The following TOPAZ1 variants were observed in gnomAD, a reference collection of about 807,000 sequenced individuals.
The protein encoded by TOPAZ1 is testis and ovary specific TOPAZ 1, also known as protein TOPAZ1.
Under a neutral mutation model 172.2 loss-of-function variants are expected in TOPAZ1, and 66 were observed. The ratio of observed to expected loss-of-function variants is 0.38; its 90% CI spans 0.31 to 0.47. The LOEUF is 0.47. Among genes scored for constraint, TOPAZ1 ranks in the 20% least tolerant of loss-of-function variants. TOPAZ1 has a pLI of 0.99. For missense variants in TOPAZ1, 1,822 were observed against 1,972.4 expected (o/e 0.92, Z 1.44); for synonymous variants, 681 against 683.9 (o/e 1.00, Z 0.07).
chr3:44,333,352 G>T (rs1344183089), downstream of TOPAZ1, among the ~76,000 whole-genome samples: 3 of 152,146 alleles, frequency 2.0e-5, no homozygotes, highest in Non-Finnish European at 4.4e-5. Flanking sequence ...GGAACTGGGT[G>T]ACTATAACCT....
rs1331796535 is a variant in TOPAZ1 at position 44,256,281 on chromosome 3, A to G, written c.2955+3A>G. Reference sequence around the variant, plus strand: ...AAGGTTCAGACTTGGATGAAAAGGTACTAGGGGATCTTTTGTGTTTTTTTA... The same window carrying G: ...AAGGTTCAGACTTGGATGAAAAGGTGCTAGGGGATCTTTTGTGTTTTTTTA... On this transcript the variant is annotated splice_donor_region_variant and intron_variant, in intron 4 of 19. Transcript: ENST00000309765. The G allele has an allele frequency of 1.3e-6, 2 of 1,510,014 alleles. No individual in the cohort carries two copies. The highest frequency in any genetic ancestry group is 1.3e-5 in the South Asian group (1 of 75,718). The allele number at this position is 1,510,014 out of a possible 1,614,324, so 93.5% of individuals were successfully genotyped here.
chr3:44,291,003 G>T lies in TOPAZ1; in HGVS notation c.3797+117G>T. The T allele has an allele frequency of 1.3e-5, 8 of 610,562 alleles. No homozygotes were observed. The South Asian group carries it at 1.7e-4, about 13-fold the overall frequency. The allele number at this position is 610,562 out of a possible 1,614,324, so 37.8% of individuals were successfully genotyped here. On this transcript the variant is annotated intron_variant, in intron 12 of 19. Coordinates refer to ENST00000309765, the MANE Select transcript of TOPAZ1 (RefSeq NM_001145030.2). Reference sequence around the variant, plus strand: ...TGCCCAAACATTTAGATAGTGGCCTGTCATAAACCCTTCTCCTGTCTCTTG... The same window carrying T: ...TGCCCAAACATTTAGATAGTGGCCTTTCATAAACCCTTCTCCTGTCTCTTG...
chr3:44,270,479 C>A, intron 7 of TOPAZ1, among the ~76,000 whole-genome samples: 1 of 152,162 alleles, frequency 6.6e-6, no homozygotes, highest in East Asian at 1.9e-4. Flanking sequence ...TTTTAAAATC[C>A]AGACAAATCA....
At position 44,282,019 on chromosome 3, in the gene TOPAZ1, C is replaced by T; in HGVS notation, c.3424C>T (p.Leu1142=). The T allele has an allele frequency of 1.3e-6, 2 of 1,543,304 alleles. No homozygotes were observed. Among genetic ancestry groups the T allele is most frequent in the East Asian group, 2.5e-5 (1 of 40,714 alleles). ...TATAAATATCAATGAACTGTGTTTG[C>T]TACAGCGTGCAGGTATGAAACAATT... is the stretch of plus-strand genomic sequence containing the variant. ...KYININELCL[L]QRAVNIFMEY... is the part of the protein sequence containing the mutation. Residue 1142 remains leucine, a synonymous_variant, in exon 9 of 20, where the codon CTA becomes TTA. Coordinates refer to ENST00000309765, the MANE Select transcript of TOPAZ1 (RefSeq NM_001145030.2).
At chr3:44,266,037 C>G (rs915981599) in intron 5 of TOPAZ1, among the ~76,000 whole-genome samples, 1 of 152,206 alleles carries the variant, frequency 6.6e-6, no homozygotes, top group Non-Finnish European at 1.5e-5. Context: ...TGCAACTTTT[C>G]CATTAGCAAG....
At chr3:44,299,950 T>A (rs1575727433) in intron 12 of TOPAZ1, among the ~76,000 whole-genome samples, 1 of 25,680 alleles carries the variant, frequency 3.9e-5, no homozygotes, top group African/African-American at 1.2e-4. Flanking sequence ...TGGGGACTGT[T>A]GTGGGGTGGG....
chr3:44,305,439 A>G, intron 14 of TOPAZ1, 118 bp downstream of exon 14: 1 of 773,486 alleles, frequency 1.3e-6, no homozygotes, highest in Non-Finnish European at 1.9e-6. Context: ...GTGCGGTCAT[A>G]GCTCACCGCA....
chr3:44,296,269 A>G lies in TOPAZ1; in HGVS notation c.3797+5383A>G, dbSNP rs746554438. Among the ~76,000 whole-genome samples, 13 of 152,234 alleles carry G rather than the reference A, an allele frequency of 8.5e-5. No homozygotes were observed. In the East Asian group the frequency reaches 2.5e-3, roughly 29 times the overall value. ...AAGCTCCCACCTCACAAAACAAGGA[A>G]AAATAAGAGCAAAATAAACTCAAAG... On this transcript the variant is annotated intron_variant, in intron 12 of 19. Transcript: ENST00000309765.
chr3:44,318,648 G>T (rs1187867071), intron 16 of TOPAZ1, among the ~76,000 whole-genome samples: 1 of 151,620 alleles, frequency 6.6e-6, no homozygotes, highest in African/African-American at 2.4e-5. Context: ...AGGGTCCTAG[G>T]GAAATCCAGC....
In TOPAZ1 at chr3:44,271,773, C is replaced by G. The variant is rs1452992136; in HGVS notation, c.3372+963C>G. On this transcript the variant is annotated intron_variant, in intron 8 of 19. Transcript: ENST00000309765. ...TTGTGGCAAGAATATTTGAAATTTACTCTTAGCAATTATGAAATGTGCATT... is the reference window on the plus strand; with the variant it reads ...TTGTGGCAAGAATATTTGAAATTTAGTCTTAGCAATTATGAAATGTGCATT... Among the ~76,000 whole-genome samples the G allele has an allele frequency of 2.0e-5, 3 of 151,974 alleles. No homozygotes were observed. The East Asian group carries it at 5.8e-4, about 29-fold the overall frequency.
intron 8 of TOPAZ1, among the ~76,000 whole-genome samples, chr3:44,274,386 G>A (rs1345365954): frequency 4.0e-5 from 6 of 148,244 alleles, no homozygotes; most frequent in African/African-American, 1.5e-4. Context: ...GGGTGACAGA[G>A]CAAGACTCCC....
intron 17 of TOPAZ1, among the ~76,000 whole-genome samples, chr3:44,322,374 A>C (rs1201047550): frequency 6.6e-6 from 1 of 152,236 alleles, no homozygotes; most frequent in Admixed American, 6.5e-5. Flanking sequence ...CTAAGGTCTG[A>C]ACTGTAGATA....
intron 9 of TOPAZ1, among the ~76,000 whole-genome samples, chr3:44,285,219 C>T (rs1285006806): frequency 1.3e-5 from 2 of 152,092 alleles, no homozygotes; most frequent in African/African-American, 4.8e-5. Context: ...TCTCAGCACT[C>T]TGGGAGCCTG....
chr3:44,270,472 T>A (rs562137431), intron 7 of TOPAZ1, among the ~76,000 whole-genome samples: 82 of 152,358 alleles, frequency 5.4e-4, no homozygotes, highest in African/African-American at 1.8e-3. Context: ...ATAAATTTTT[T>A]AAAATCCAGA....
chr3:44,267,435 C>A (rs552014420), intron 6 of TOPAZ1, among the ~76,000 whole-genome samples: 1 of 151,866 alleles, frequency 6.6e-6, no homozygotes, highest in African/African-American at 2.4e-5. Flanking sequence ...GCTGGGATTA[C>A]AGGCACCTGC....
chr3:44,250,430 A>T (rs1699617487), intron 2 of TOPAZ1, among the ~76,000 whole-genome samples: 2 of 152,122 alleles, frequency 1.3e-5, no homozygotes, highest in South Asian at 4.1e-4. Context: ...TTAAATTTTT[A>T]TTAAATTTTA....
chr3:44,302,091 A>C (rs7618033), intron 12 of TOPAZ1, among the ~76,000 whole-genome samples: 127,812 of 152,186 alleles, frequency 0.84, 53,751 homozygotes, highest in Middle Eastern at 0.93. Flanking sequence ...AAATGATTAT[A>C]CAACTTTTCC....
intron 9 of TOPAZ1, among the ~76,000 whole-genome samples, chr3:44,282,377 A>G (rs572017016): frequency 1.3e-5 from 2 of 152,250 alleles, no homozygotes; most frequent in South Asian, 4.1e-4. Context: ...TTCTCTTTTT[A>G]CATTTACCTC....
intron 16 of TOPAZ1, among the ~76,000 whole-genome samples, chr3:44,314,205 G>C (rs1700428018): frequency 6.6e-6 from 1 of 152,094 alleles, no homozygotes; most frequent in South Asian, 2.1e-4. Flanking sequence ...GGGATTACAG[G>C]CCTGAGCCAC....
Sources: allele counts gnomAD v4.1 joint callset (sites outside exome capture counted in the v4.1 genomes callset), GRCh38; gene constraint gnomAD v4.1.1; transcripts MANE v1.5; gene names NCBI Gene and HGNC (gene_info 2026-07-23, HGNC 2026-07-21).